TRHDE: variants seen among roughly 807,000 people sequenced by gnomAD.
The protein encoded by TRHDE is thyrotropin releasing hormone degrading enzyme, also known as thyrotropin-releasing hormone-degrading ectoenzyme.
Under a neutral mutation model 125.7 loss-of-function variants are expected in TRHDE, and 72 were observed. The observed-to-expected ratio is 0.57, with a 90% CI of 0.47 to 0.70. The LOEUF (loss-of-function observed/expected upper bound fraction) is 0.70. Among genes scored for constraint, TRHDE ranks in the 30% least tolerant of loss-of-function variants. TRHDE has a pLI of 0.00. For missense variants in TRHDE, 1,110 were observed against 1,327.1 expected, an observed-to-expected ratio of 0.84 and a Z score of 2.54; for synonymous variants, 509 against 509.1, an observed-to-expected ratio of 1.00 and a Z score of 0.00.
chr12:72,248,029 GTGTA>G (rs1351259743), intron 2 of TRHDE, among the ~76,000 whole-genome samples: 1 of 152,126 alleles, frequency 6.6e-6, no homozygotes, highest in Non-Finnish European at 1.5e-5. Context: ...ATGTGTGTAT[GTGTA>G]TGTGTGTACA....
chr12:72,493,141 A>T (rs1013396536), intron 5 of TRHDE, among the ~76,000 whole-genome samples: 14 of 151,954 alleles, frequency 9.2e-5, no homozygotes, highest in African/African-American at 2.9e-4. Flanking sequence ...TTAGTCAGAC[A>T]TTCTATTTGT....
intron 9 of TRHDE, among the ~76,000 whole-genome samples, chr12:72,567,890 T>C (rs1327088854): frequency 6.6e-6 from 1 of 152,078 alleles, no homozygotes; most frequent in Non-Finnish European, 1.5e-5. Flanking sequence ...AAAAGGTAAA[T>C]GTTACAAAAT....
chr12:72,652,065 TTTTG>T (rs1321090769), intron 15 of TRHDE, among the ~76,000 whole-genome samples: 2 of 151,982 alleles, frequency 1.3e-5, no homozygotes, highest in Non-Finnish European at 1.5e-5. Flanking sequence ...ATGTTACTAT[TTTTG>T]TTTAAGTATA....
chr12:72,103,625 A>G (rs763774672), intron 1 of TRHDE, among the ~76,000 whole-genome samples: 3 of 152,134 alleles, frequency 2.0e-5, no homozygotes, highest in Non-Finnish European at 2.9e-5. Flanking sequence ...TTCCTTTATT[A>G]AAGGAATATT....
intron 2 of TRHDE, chr12:72,140,522 A>T (rs575014760): frequency 6.6e-6 from 1 of 152,266 alleles, no homozygotes; most frequent in Admixed American, 6.5e-5. Context: ...TGTTCTCAGG[A>T]TCTCCCGGGG....
chr12:72,449,250 G>A (rs1209640700), intron 3 of TRHDE, among the ~76,000 whole-genome samples: 1 of 151,954 alleles, frequency 6.6e-6, no homozygotes, highest in African/African-American at 2.4e-5. Flanking sequence ...AAACTCATTG[G>A]CAGTAAAGCA....
In TRHDE at chr12:72,460,789, C is replaced by T. The variant is rs370288556; in HGVS notation, c.1316-8969C>T. Among the ~76,000 whole-genome samples the T allele has an allele frequency of 2.3e-4, 35 of 152,056 alleles. No individual in the cohort carries two copies. The East Asian group carries it at 4.8e-3, about 21-fold the overall frequency. On this transcript the variant is annotated intron_variant, in intron 3 of 18. Transcript: ENST00000261180. The stretch of plus-strand genomic sequence containing the variant: ...AAAGACTGATTTTGTAAGTACTAGA[C>T]GCACAACAAAAAATGCACAATATGA...
chr12:72,400,146 T>C (rs1165066697), intron 3 of TRHDE, among the ~76,000 whole-genome samples: 1 of 152,134 alleles, frequency 6.6e-6, no homozygotes, highest in African/African-American at 2.4e-5. Context: ...ATACCTATAT[T>C]AAAATTTTCT....
Position 72,378,086 on chromosome 12 carries a change from A to G in TRHDE, c.1280A>G (p.Asp427Gly). Reference sequence around the variant, plus strand: ...AAGAGATTAATAGAATTTTATGAAGACTACTTTAAAGTGCCCTATTCCTTG... The same window carrying G: ...AAGAGATTAATAGAATTTTATGAAGGCTACTTTAAAGTGCCCTATTCCTTG... The part of the protein sequence containing the change: ...ITKRLIEFYE[D>G]YFKVPYSLPK... Residue 427 changes from aspartate (D) to glycine (G), a missense_variant, in exon 3 of 19, where the codon GAC becomes GGC. Asp to Gly is a moderately conservative substitution (Grantham distance 94). This residue lies in a region of TRHDE where 252 missense variants were observed against 274.8 expected (regional missense o/e 0.92). Coordinates refer to ENST00000261180, the MANE Select transcript of TRHDE (RefSeq NM_013381.3). 1 of 1,603,592 alleles carries G rather than the reference A, an allele frequency of 6.2e-7. No individual in the cohort carries two copies. The highest frequency in any genetic ancestry group is 1.7e-5 in the Admixed American group (1 of 58,150).
intron 2 of TRHDE, among the ~76,000 whole-genome samples, chr12:72,202,361 T>G (rs1187625788): frequency 3.9e-5 from 6 of 152,208 alleles, no homozygotes; most frequent in African/African-American, 1.4e-4. Context: ...TTGAGAAGTT[T>G]CAATAATATG....
rs529001689 is a variant in TRHDE at position 72,451,634 on chromosome 12, G to T, written c.1316-18124G>T. On this transcript the variant is annotated intron_variant, in intron 3 of 18. Transcript: ENST00000261180. The stretch of plus-strand genomic sequence containing the variant: ...GGTTTGGATATTTGGGCTCTTCTGT[G>T]GTTTTGTATAAATTTTAGGCACTTT... 3.3e-5 allele frequency among the ~76,000 whole-genome samples: 5 copies of T among 151,810 alleles called. No homozygotes were observed. In the South Asian group the frequency reaches 1.0e-3, roughly 32 times the overall value.
chr12:72,594,715 A>G lies in TRHDE; in HGVS notation c.2321+19173A>G, dbSNP rs184182102. ...AACTACTCTAATGTGGCAATTCCTC[A>G]GGGATCTAGAACTAGAAATAACATT... On this transcript the variant is annotated intron_variant, in intron 12 of 18. Coordinates refer to ENST00000261180, the MANE Select transcript of TRHDE (RefSeq NM_013381.3). Among the ~76,000 whole-genome samples, 47 of 152,178 alleles carry G rather than the reference A, an allele frequency of 3.1e-4. 1 individual carries two copies. In the East Asian group the frequency reaches 8.2e-3, roughly 26 times the overall value.
At chr12:72,112,732 A>G (rs1303413487) in intron 2 of TRHDE, among the ~76,000 whole-genome samples, 4 of 152,222 alleles carry the variant, frequency 2.6e-5, no homozygotes, top group Admixed American at 1.3e-4. Context: ...TTGGCAAGCC[A>G]TTAATCACAC....
At chr12:72,491,239 T>C (rs1157139812) in intron 5 of TRHDE, among the ~76,000 whole-genome samples, 1 of 151,916 alleles carries the variant, frequency 6.6e-6, no homozygotes, top group African/African-American at 2.4e-5. Flanking sequence ...ACATGGCATA[T>C]GGAGATTATT....
rs1872456120 is a variant in TRHDE at position 72,387,171 on chromosome 12, T to C, written c.1315+9050T>C. On this transcript the variant is annotated intron_variant, in intron 3 of 18. Coordinates refer to ENST00000261180, the MANE Select transcript of TRHDE (RefSeq NM_013381.3). ...TGTGCTTGGATGCCTAATGAGTATATTAAATTGGCATGTTTAAATTTGAGC... is the reference window on the plus strand; with the variant it reads ...TGTGCTTGGATGCCTAATGAGTATACTAAATTGGCATGTTTAAATTTGAGC... Among the ~76,000 whole-genome samples the C allele has an allele frequency of 2.0e-5, 3 of 152,310 alleles. 1 individual carries two copies. The highest frequency in any genetic ancestry group is 2.0e-4 in the Admixed American group (3 of 15,298).
rs540350569 is a variant in TRHDE at position 72,156,646 on chromosome 12, G to C, written n.279+50894G>C. On this transcript the variant is annotated intron_variant and non_coding_transcript_variant, in intron 2 of 4. Coordinates refer to the TRHDE transcript ENST00000548156. ...TTGATCTTTTTGTGCCTCCTAGGCT[G>C]TGATTAGGAGTTAGAGTTTATTCTG... is the stretch of plus-strand genomic sequence containing the variant. Among the ~76,000 whole-genome samples, 3 of 152,322 alleles carry C rather than the reference G, an allele frequency of 2.0e-5. No individual in the cohort carries two copies. The South Asian group carries it at 6.2e-4, about 32-fold the overall frequency.
intron 2 of TRHDE, among the ~76,000 whole-genome samples, chr12:72,157,724 T>A (rs929009259): frequency 2.0e-5 from 3 of 152,162 alleles, no homozygotes; most frequent in African/African-American, 7.2e-5. Flanking sequence ...CAGATGCCTA[T>A]TAGATTTTTC....
intron 12 of TRHDE, among the ~76,000 whole-genome samples, chr12:72,582,928 G>C (rs1565799081): frequency 6.6e-6 from 1 of 152,040 alleles, no homozygotes; most frequent in African/African-American, 2.4e-5. Flanking sequence ...TGTTTTTACA[G>C]TACTATACAA....
chr12:72,124,205 C>A (rs1283856865), intron 2 of TRHDE, among the ~76,000 whole-genome samples: 1 of 152,080 alleles, frequency 6.6e-6, no homozygotes, highest in East Asian at 1.9e-4. Context: ...ATTAAGGTCA[C>A]CTGCAAGTGG....
Sources: allele counts gnomAD v4.1 joint callset (sites outside exome capture counted in the v4.1 genomes callset), GRCh38; gene constraint gnomAD v4.1.1; regional missense constraint gnomAD v4.1.1; transcripts MANE v1.5; gene names NCBI Gene and HGNC (gene_info 2026-07-23, HGNC 2026-07-21).